The following SLC24A4 variants were observed in gnomAD, a reference collection of about 807,000 sequenced individuals.
The protein encoded by SLC24A4 is sodium/potassium/calcium exchanger 4.
In SLC24A4, 53 loss-of-function variants were observed where a neutral mutation model predicts 79.0. The observed-to-expected ratio is 0.67, with a 90% CI of 0.54 to 0.84. The LOEUF (loss-of-function observed/expected upper bound fraction) is 0.84, where lower values mean the gene tolerates loss of function less well. Among genes scored for constraint, SLC24A4 ranks in the 40% least tolerant of loss-of-function variants. The pLI is 0.00. For synonymous variants in SLC24A4, 323 were observed against 323.8 expected, an observed-to-expected ratio of 1.00 and a Z score of 0.03; for missense variants, 731 against 822.0, an observed-to-expected ratio of 0.89 and a Z score of 1.35.
chr14:92,412,160 C>T (rs369462126), intron 2 of SLC24A4, among the ~76,000 whole-genome samples: 7 of 152,148 alleles, frequency 4.6e-5, no homozygotes, highest in African/African-American at 7.2e-5. Flanking sequence ...GAAAGCCTCA[C>T]GTGTTCAAAA....
intron 2 of SLC24A4, among the ~76,000 whole-genome samples, chr14:92,400,569 T>C (rs1044202179): frequency 6.6e-6 from 1 of 152,084 alleles, no homozygotes; most frequent in Non-Finnish European, 1.5e-5. Context: ...CTTTGGGGCA[T>C]GCAGGACTAC....
At chr14:92,411,234 G>T (rs1401168521) in intron 2 of SLC24A4, among the ~76,000 whole-genome samples, 2 of 152,162 alleles carry the variant, frequency 1.3e-5, no homozygotes, top group Admixed American at 1.3e-4. Context: ...TGCTCATAGT[G>T]CATGGAAACT....
chr14:92,367,766 G>A (rs541900088), intron 2 of SLC24A4, among the ~76,000 whole-genome samples: 6 of 152,314 alleles, frequency 3.9e-5, no homozygotes, highest in African/African-American at 1.2e-4. Flanking sequence ...CCCGTGAGGG[G>A]CTTTGTGGGT....
intron 2 of SLC24A4, among the ~76,000 whole-genome samples, chr14:92,392,478 G>T (rs1178296056): frequency 6.6e-6 from 1 of 152,002 alleles, no homozygotes; most frequent in African/African-American, 2.4e-5. Flanking sequence ...TCTCCTCGAG[G>T]TATGTATCGG....
At chr14:92,342,363 C>CATTAATTAATTAATTAATTAATTT (rs377654077) in intron 2 of SLC24A4, among the ~76,000 whole-genome samples, 2 of 137,848 alleles carry the variant, frequency 1.5e-5, no homozygotes, top group African/African-American at 5.5e-5. Flanking sequence ...TTTTTTTCCC[C>CATTAATTAATTAATTAATTAATTT]ATTTATTTAT....
chr14:92,372,149 G>A (rs1888205070), intron 2 of SLC24A4, among the ~76,000 whole-genome samples: 1 of 152,236 alleles, frequency 6.6e-6, no homozygotes, highest in Admixed American at 6.5e-5. Context: ...TGTTGGGAGA[G>A]GAGCCAGCCT....
At chr14:92,403,767 T>C (rs1375857027) in intron 2 of SLC24A4, among the ~76,000 whole-genome samples, 2 of 152,170 alleles carry the variant, frequency 1.3e-5, no homozygotes, top group Non-Finnish European at 2.9e-5. Context: ...TTATTCTTTC[T>C]TGTACATCTT....
chr14:92,359,077 G>A (rs1432006715), intron 2 of SLC24A4, among the ~76,000 whole-genome samples: 1 of 152,120 alleles, frequency 6.6e-6, no homozygotes. Context: ...AGTCAGCGTG[G>A]CTAAAATCTA....
chr14:92,434,536 C>T (rs1402777715), intron 3 of SLC24A4, among the ~76,000 whole-genome samples: 3 of 152,128 alleles, frequency 2.0e-5, no homozygotes, highest in African/African-American at 7.2e-5. Flanking sequence ...TTATCTTTTT[C>T]TGGGCCAGTG....
intron 2 of SLC24A4, among the ~76,000 whole-genome samples, chr14:92,400,672 C>T (rs1001861244): frequency 6.6e-6 from 1 of 152,144 alleles, no homozygotes; most frequent in Non-Finnish European, 1.5e-5. Flanking sequence ...ATGTAATCCT[C>T]TTTCAGATGA....
intron 2 of SLC24A4, among the ~76,000 whole-genome samples, chr14:92,344,323 A>T (rs1203798713): frequency 6.6e-6 from 1 of 152,228 alleles, no homozygotes; most frequent in African/African-American, 2.4e-5. Flanking sequence ...TTCATTGCCA[A>T]CTAGTGATGC....
intron 3 of SLC24A4, among the ~76,000 whole-genome samples, chr14:92,438,521 G>A (rs1892306294): frequency 6.6e-6 from 1 of 152,170 alleles, no homozygotes; most frequent in African/African-American, 2.4e-5. Context: ...TTGGGAGGCT[G>A]AGGTGGGAGG....
At chr14:92,416,122 G>GTGTGTGGTGT in intron 2 of SLC24A4, among the ~76,000 whole-genome samples, 1 of 148,010 alleles carries the variant, frequency 6.8e-6, no homozygotes, top group South Asian at 2.1e-4. Flanking sequence ...TTGTGTGTGT[G>GTGTGTGGTGT]GTGTGTGTGT....
chr14:92,454,079 C>A lies in SLC24A4; in HGVS notation c.1050+10C>A, dbSNP rs17783624. ...GATCATCATTAATGAGGTGAGTTTG[C>A]TTGAAGGACCATAAAAGTGAGCAGC... is the stretch of plus-strand genomic sequence containing the variant. On this transcript the variant is annotated intron_variant, in intron 11 of 16. Coordinates refer to ENST00000532405, the MANE Select transcript of SLC24A4 (RefSeq NM_153646.4). The A allele has an allele frequency of 0.2, 318,847 of 1,608,868 alleles. 33,829 individuals carry two copies. Among genetic ancestry groups the A allele is most frequent in the Admixed American group, 0.24 (14,259 of 59,182 alleles).
In SLC24A4 at chr14:92,493,750, A is replaced by T. The variant is rs1371168873; in HGVS notation, c.*122A>T. 80 of 1,160,694 alleles carry T rather than the reference A, an allele frequency of 6.9e-5. No homozygotes were observed. Among genetic ancestry groups the T allele is most frequent in the Non-Finnish European group, 8.9e-5 (74 of 834,500 alleles). The allele number at this position is 1,160,694 out of a possible 1,614,324, so 71.9% of individuals were successfully genotyped here. A position where few individuals can be genotyped will look rare whatever the true frequency, so the allele number is the denominator to read the frequency against. ...GCAGCCACTGTCCGTTCTTTCACACACTGGAAGGAAGAGCCATCGTGGTCT... is the reference window on the plus strand; with the variant it reads ...GCAGCCACTGTCCGTTCTTTCACACTCTGGAAGGAAGAGCCATCGTGGTCT... On this transcript the variant is annotated 3_prime_UTR_variant, in exon 17 of 17. Transcript: ENST00000532405.
chr14:92,368,225 A>C (rs1261508587), intron 2 of SLC24A4, among the ~76,000 whole-genome samples: 1 of 152,238 alleles, frequency 6.6e-6, no homozygotes, highest in African/African-American at 2.4e-5. Context: ...TTAATTTCCA[A>C]CAAGTTAATG....
At chr14:92,460,555 T>C (rs1466662833) in intron 12 of SLC24A4, among the ~76,000 whole-genome samples, 1 of 152,212 alleles carries the variant, frequency 6.6e-6, no homozygotes, top group Non-Finnish European at 1.5e-5. Flanking sequence ...GCACCTGTTA[T>C]GTGCCAGGTC....
intron 12 of SLC24A4, among the ~76,000 whole-genome samples, chr14:92,479,500 T>C (rs143434785): frequency 2.1e-4 from 32 of 152,350 alleles, no homozygotes; most frequent in African/African-American, 7.7e-4. Flanking sequence ...AATGTAATGT[T>C]TTACATTGAT....
At chr14:92,430,481 C>T (rs1000188817) in intron 2 of SLC24A4, among the ~76,000 whole-genome samples, 3 of 152,220 alleles carry the variant, frequency 2.0e-5, no homozygotes, top group African/African-American at 7.2e-5. Flanking sequence ...GCTTCTGTCC[C>T]CAAGGATTTT....
Sources: gnomAD v4.1 joint callset for allele counts (sites outside exome capture counted in the v4.1 genomes callset) on GRCh38, gnomAD v4.1.1 for gene constraint, MANE v1.5 for transcripts, NCBI Gene and HGNC (gene_info 2026-07-23, HGNC 2026-07-21) for gene names.